The following CLEC4F variants were observed in gnomAD, a reference collection of about 807,000 sequenced individuals.
CLEC4F encodes C-type lectin domain family 4 member F.
Under a neutral mutation model 53.4 loss-of-function variants are expected in CLEC4F, and 45 were observed. The observed-to-expected ratio is 0.84, with a 90% CI of 0.66 to 1.08. The LOEUF is 1.08. CLEC4F is among the 50% of genes least tolerant of loss of function. The probability of loss-of-function intolerance (pLI) is 0.00; values close to 1 mark genes in which losing one functional copy is unlikely to be tolerated. For missense variants in CLEC4F, 753 were observed against 698.2 expected (o/e 1.08, Z -0.88); for synonymous variants, 245 against 257.5 (o/e 0.95, Z 0.46).
chr2:70,810,618 C>CAAAAAAAAAAAAA (rs58138583), intron 5 of CLEC4F, among the ~76,000 whole-genome samples: 2 of 48,826 alleles, frequency 4.1e-5, no homozygotes, highest in Admixed American at 2.7e-4. Context: ...AACTCTGTCG[C>CAAAAAAAAAAAAA]AAAAAAAAAA....
chr2:70,813,623 C>CTTTA (rs869188822), intron 4 of CLEC4F, among the ~76,000 whole-genome samples: 2 of 113,738 alleles, frequency 1.8e-5, no homozygotes, highest in African/African-American at 3.3e-5. Flanking sequence ...TTCTTTCTTT[C>CTTTA]TTTCTTTCTT....
chr2:70,813,366 C>T (rs1304743941), intron 4 of CLEC4F, among the ~76,000 whole-genome samples: 2 of 152,232 alleles, frequency 1.3e-5, no homozygotes, highest in South Asian at 4.1e-4. Context: ...GATGCATTGA[C>T]TAAAAAACAC....
intron 5 of CLEC4F, chr2:70,810,922 G>A: frequency 1.9e-6 from 1 of 535,274 alleles, no homozygotes; most frequent in Non-Finnish European, 3.7e-6. Flanking sequence ...GCACAAAAAT[G>A]TTTCATTTTC....
chr2:70,816,672 T>C lies in CLEC4F; in HGVS notation c.709A>G (p.Asn237Asp), dbSNP rs376668351. ...CTATTGGCTAACTGAGCCTGGGTAT[T>C]TGCCGTTTCCAAACTGGCATTCAAC... ...QMLNASLETA[N>D]TQAQLANSSL... The change falls in exon 4 of 7, where the codon AAT (asparagine) becomes GAT (aspartate). Residue 237 changes from asparagine to aspartate, a missense_variant. By Grantham distance (23) the Asn-to-Asp change is conservative (BLOSUM62 1). Coordinates refer to ENST00000272367, the MANE Select transcript of CLEC4F (RefSeq NM_173535.3). 1 of 1,614,228 alleles carries C rather than the reference T, an allele frequency of 6.2e-7. No individual in the cohort carries two copies. Among genetic ancestry groups the C allele is most frequent in the Non-Finnish European group, 8.5e-7 (1 of 1,180,038 alleles).
chr2:70,821,941 T>C (rs953270152), upstream of CLEC4F, among the ~76,000 whole-genome samples: 1 of 152,172 alleles, frequency 6.6e-6, no homozygotes, highest in African/African-American at 2.4e-5. Flanking sequence ...TATTTTTTTG[T>C]AGAGATGGGA....
rs376266534 is a variant in CLEC4F at position 70,816,824 on chromosome 2, T to A, written c.557A>T (p.Asp186Val). 6.2e-7 allele frequency: 1 copy of A among 1,614,124 alleles called. No homozygotes were observed. Reference sequence around the variant, plus strand: ...AGTTAAAGCATCTGCCTTTTCAAGGTCTTCCTTGAGCCTCTGGATCTCAGC... The same window carrying A: ...AGTTAAAGCATCTGCCTTTTCAAGGACTTCCTTGAGCCTCTGGATCTCAGC... ...TNAEIQRLKEDLEKADALTFQ... is the reference protein window; with the variant it reads ...TNAEIQRLKEVLEKADALTFQ... The change falls in exon 4 of 7, where the codon GAC becomes GTC. Residue 186 changes from aspartate (D) to valine (V), a missense_variant. Coordinates refer to ENST00000272367, the MANE Select transcript of CLEC4F (RefSeq NM_173535.3).
intron 4 of CLEC4F, among the ~76,000 whole-genome samples, chr2:70,813,841 TA>T (rs1281903137): frequency 8.6e-5 from 13 of 151,744 alleles, no homozygotes; most frequent in South Asian, 2.1e-4. Context: ...CATGCCCGGA[TA>T]TTTTTTTTGT....
rs1377655496 is a variant in CLEC4F at position 70,816,855 on chromosome 2, T to C, written c.526A>G (p.Thr176Ala). The C allele has an allele frequency of 3.7e-6, 6 of 1,614,080 alleles. No individual in the cohort carries two copies. The highest frequency in any genetic ancestry group is 5.1e-6 in the Non-Finnish European group (6 of 1,180,030). ...TTGAGCCTCTGGATCTCAGCATTGG[T>C]TCCCTCCAGGGAACTCCTTAACATC... ...TQMLRSSLEG[T>A]NAEIQRLKED... is the part of the protein sequence containing the mutation. Residue 176 changes from threonine to alanine, a missense_variant, in exon 4 of 7, where the codon ACC (threonine) becomes GCC (alanine). Thr to Ala is a moderately conservative substitution (Grantham distance 58). Coordinates refer to ENST00000272367, the MANE Select transcript of CLEC4F (RefSeq NM_173535.3).
chr2:70,814,531 G>T (rs1676786460), intron 4 of CLEC4F, among the ~76,000 whole-genome samples: 1 of 152,152 alleles, frequency 6.6e-6, no homozygotes, highest in African/African-American at 2.4e-5. Context: ...GCCCTCTGGG[G>T]GTTCTGATGC....
chr2:70,811,531 C>G (rs1676562885), intron 5 of CLEC4F: 4 of 382,512 alleles, frequency 1.0e-5, no homozygotes, highest in Non-Finnish European at 2.1e-5. Flanking sequence ...GTTGCATGTT[C>G]TTTCTCAGGC....
Position 70,819,895 on chromosome 2 carries a change from C to T in CLEC4F, c.62-4G>A. The T allele has an allele frequency of 1.3e-6, 2 of 1,573,686 alleles. No individual in the cohort carries two copies. The highest frequency in any genetic ancestry group is 2.7e-5 in the African/African-American group (2 of 73,788). ...GCCATTGCCACAGAGTCCACCTCTG[C>T]AGGGGAGAAGGCAGTGTCCAAGGTG... On this transcript the variant is annotated splice_region_variant and splice_polypyrimidine_tract_variant and intron_variant, in intron 1 of 6. Coordinates refer to ENST00000272367, the MANE Select transcript of CLEC4F (RefSeq NM_173535.3).
In CLEC4F at chr2:70,815,996, T is replaced by G. The variant is rs1676876685; in HGVS notation, c.1385A>C (p.Gln462Pro). 2.5e-6 allele frequency: 4 copies of G among 1,611,140 alleles called. No homozygotes were observed. Among genetic ancestry groups the G allele is most frequent in the Non-Finnish European group, 3.4e-6 (4 of 1,178,142 alleles). ...ITSQEQLQRT[Q>P]SQLLQMVLQG... is the part of the protein sequence containing the mutation. ...CGCGACTCCCCTCTCCCACTTACTT[T>G]GGGTTCTTTGTAGCTGTTCCTGTGA... Residue 462 changes from glutamine to proline, a missense_variant and splice_region_variant, in exon 4 of 7, where the codon CAA becomes CCA. Gln to Pro is a moderately conservative substitution (Grantham distance 76, BLOSUM62 -1). Transcript: ENST00000272367.
Position 70,819,285 on chromosome 2 carries a change from C to T in CLEC4F, c.268+70G>A, listed in dbSNP as rs573777382. 42 of 1,187,754 alleles carry T rather than the reference C, an allele frequency of 3.5e-5. No individual in the cohort carries two copies. In the East Asian group the frequency reaches 9.3e-4, roughly 26 times the overall value. The allele number at this position is 1,187,754 out of a possible 1,614,324, so 73.6% of individuals were successfully genotyped here. ...TGGTCAGAGGGTACCAGGAGAGAAG[C>T]TCATCCTAGGGTCTGAGCATCTGAA... On this transcript the variant is annotated intron_variant, in intron 3 of 6. Coordinates refer to ENST00000272367, the MANE Select transcript of CLEC4F (RefSeq NM_173535.3).
At chr2:70,824,640 A>C (rs1373974539), upstream of CLEC4F, among the ~76,000 whole-genome samples, 1 of 149,936 alleles carries the variant, frequency 6.7e-6, no homozygotes, top group Non-Finnish European at 1.5e-5. Flanking sequence ...AAAAAAAAAA[A>C]AAAAAACTGA....
At position 70,809,371 on chromosome 2, in the gene CLEC4F, T is replaced by C. The variant is rs1553393577; in HGVS notation, c.1670A>G (p.Lys557Arg). ...NAAQNKAPGS[K>R]GSCPLRKYII... ...ATACTTTCTGAGTGGGCAGGATCCC[T>C]TGGAACCAGGCCTGAGTAGGGCAGG... The change falls in exon 7 of 7, where the codon AAG (lysine) becomes AGG (arginine). Residue 557 changes from lysine to arginine, a missense_variant. Physicochemically the swap from Lys to Arg is conservative, Grantham distance 26. Coordinates refer to ENST00000272367, the MANE Select transcript of CLEC4F (RefSeq NM_173535.3). 2 of 1,610,336 alleles carry C rather than the reference T, an allele frequency of 1.2e-6. No homozygotes were observed. Among genetic ancestry groups the C allele is most frequent in the Admixed American group, 1.7e-5 (1 of 59,836 alleles).
chr2:70,815,983 C>T lies in CLEC4F; in HGVS notation c.1387+11G>A. 2 of 1,608,682 alleles carry T rather than the reference C, an allele frequency of 1.2e-6. No individual in the cohort carries two copies. Among genetic ancestry groups the T allele is most frequent in the South Asian group, 1.1e-5 (1 of 90,352 alleles). The stretch of plus-strand genomic sequence containing the variant: ...TGCCCTCCCCAAACGCGACTCCCCT[C>T]TCCCACTTACTTTGGGTTCTTTGTA... On this transcript the variant is annotated intron_variant, in intron 4 of 6. Coordinates refer to ENST00000272367, the MANE Select transcript of CLEC4F (RefSeq NM_173535.3).
upstream of CLEC4F, among the ~76,000 whole-genome samples, chr2:70,824,633 A>AAAAAAAAAAC (rs1677304874): frequency 6.7e-6 from 1 of 149,552 alleles, no homozygotes; most frequent in Non-Finnish European, 1.5e-5. Flanking sequence ...AAAAAAAAAA[A>AAAAAAAAAAC]AAAAAAAAAA....
intron 4 of CLEC4F, 67 bp downstream of exon 4, chr2:70,815,927 A>G (rs1421251891): frequency 6.8e-7 from 1 of 1,480,390 alleles, no homozygotes; most frequent in East Asian, 2.3e-5. Context: ...GAGGCTGATG[A>G]GATGGAAGAC....
At chr2:70,822,140 T>C (rs531832986), upstream of CLEC4F, among the ~76,000 whole-genome samples, 5 of 152,248 alleles carry the variant, frequency 3.3e-5, no homozygotes, top group South Asian at 1.0e-3. Context: ...GGGGCAGTCT[T>C]GTGGGACTGA....
Sources: allele counts gnomAD v4.1 joint callset (sites outside exome capture counted in the v4.1 genomes callset), GRCh38; gene constraint gnomAD v4.1.1; transcripts MANE v1.5; gene names NCBI Gene and HGNC (gene_info 2026-07-23, HGNC 2026-07-21).